Variants in ERCC4 observed in about 807,000 individuals in gnomAD.
The protein encoded by ERCC4 is DNA repair endonuclease XPF.
ERCC4 carries 65 observed loss-of-function variants against 76.9 expected under a neutral mutation model. The ratio of observed to expected loss-of-function variants is 0.84; its 90% CI spans 0.69 to 1.04. The LOEUF (loss-of-function observed/expected upper bound fraction) is 1.04, where lower values mean the gene tolerates loss of function less well. ERCC4 is among the 50% of genes least tolerant of loss of function. ERCC4 has a pLI of 0.00. For missense variants in ERCC4, 1,214 were observed against 1,128.2 expected, an observed-to-expected ratio of 1.08 and a Z score of -1.09; for synonymous variants, 463 against 410.1, an observed-to-expected ratio of 1.13 and a Z score of -1.56.
intron 9 of ERCC4, among the ~76,000 whole-genome samples, chr16:13,941,085 C>T (rs1239872464): frequency 6.6e-6 from 1 of 152,170 alleles, no homozygotes; most frequent in East Asian, 1.9e-4. Flanking sequence ...CTGATTTATG[C>T]ACCTGCTTCT....
At position 13,947,653 on chromosome 16, in the gene ERCC4, T is replaced by C. The variant is rs751928876; in HGVS notation, c.2057T>C (p.Val686Ala). Reference protein sequence around the residue: ...EQNGTQQSIVVDMREFRSELP... With the variant: ...EQNGTQQSIVADMREFRSELP... ...AATGGTACACAGCAAAGCATAGTTGTGGATATGCGTGAATTTCGAAGTGAG... is the reference window on the plus strand; with the variant it reads ...AATGGTACACAGCAAAGCATAGTTGCGGATATGCGTGAATTTCGAAGTGAG... The change falls in exon 11 of 11, where the codon GTG (valine) becomes GCG (alanine). Residue 686 changes from valine to alanine, a missense_variant. Physicochemically the swap from Val to Ala is moderately conservative, Grantham distance 64 (BLOSUM62 0). Coordinates refer to ENST00000311895, the MANE Select transcript of ERCC4 (RefSeq NM_005236.3). The C allele has an allele frequency of 1.9e-6, 3 of 1,614,198 alleles. No homozygotes were observed. The highest frequency in any genetic ancestry group is 2.5e-6 in the Non-Finnish European group (3 of 1,180,012).
intron 9 of ERCC4, among the ~76,000 whole-genome samples, chr16:13,940,993 C>T (rs2032402722): frequency 6.6e-6 from 1 of 152,198 alleles, no homozygotes; most frequent in African/African-American, 2.4e-5. Flanking sequence ...GCAGCTGCCT[C>T]TTCTCCAGTG....
intron 7 of ERCC4, 143 bp from the exon 8 acceptor site, chr16:13,935,003 C>A (rs945864321): frequency 1.4e-6 from 1 of 722,690 alleles, no homozygotes. Context: ...ATACCTAAGA[C>A]CCTTTTTAAA....
intron 9 of ERCC4, among the ~76,000 whole-genome samples, chr16:13,942,097 A>T (rs906530626): frequency 1.3e-5 from 2 of 152,240 alleles, no homozygotes; most frequent in African/African-American, 4.8e-5. Flanking sequence ...TAAAAATACC[A>T]TTGAAGATAC....
chr16:13,921,494 C>T (rs572907392), intron 1 of ERCC4, among the ~76,000 whole-genome samples: 127 of 152,154 alleles, frequency 8.3e-4, no homozygotes, highest in Non-Finnish European at 1.4e-3. Context: ...TCTAGGTATC[C>T]CCAGTGCTTG....
At chr16:13,923,490 A>G (rs2032017063) in intron 2 of ERCC4, among the ~76,000 whole-genome samples, 1 of 152,202 alleles carries the variant, frequency 6.6e-6, no homozygotes, top group South Asian at 2.1e-4. Flanking sequence ...TTTGATAAAT[A>G]AATGTGTCAA....
Position 13,950,304 on chromosome 16 carries a change from CATTGGCATCTTGATTT to C in ERCC4, c.*1963_*1978del, listed in dbSNP as rs1229798861. ...TGTCGTTTCTGAACTGAACCTCTCA[CATTGGCATCTTGATTT>C]ATTGGTACTTAACAGTATATATGGA... On this transcript the variant is annotated 3_prime_UTR_variant, in exon 11 of 11. Coordinates refer to ENST00000311895, the MANE Select transcript of ERCC4 (RefSeq NM_005236.3). 1.1e-5 allele frequency: 2 copies of C among 190,032 alleles called. No individual in the cohort carries two copies. Among genetic ancestry groups the C allele is most frequent in the African/African-American group, 4.7e-5 (2 of 42,924 alleles). 11.8% of individuals were successfully genotyped at this position (190,032 alleles called of 1,614,324 possible).
At chr16:13,926,015 A>G (rs3136087) in intron 2 of ERCC4, among the ~76,000 whole-genome samples, 297 of 152,306 alleles carry the variant, frequency 2.0e-3, no homozygotes, top group African/African-American at 6.7e-3. Context: ...TGAATTGACT[A>G]TCTTCTGATT....
intron 4 of ERCC4, among the ~76,000 whole-genome samples, 182 bp downstream of exon 4, chr16:13,928,417 A>T (rs1220930364): frequency 6.6e-6 from 1 of 152,206 alleles, no homozygotes; most frequent in Non-Finnish European, 1.5e-5. Context: ...AAGTATGTGG[A>T]TTGGCATATA....
chr16:13,920,348 G>A lies in ERCC4; in HGVS notation c.183G>A (p.Val61=), dbSNP rs1215558892. The A allele has an allele frequency of 6.3e-7, 1 of 1,592,482 alleles. No individual in the cohort carries two copies. The highest frequency in any genetic ancestry group is 8.5e-7 in the Non-Finnish European group (1 of 1,176,368). Residue 61 remains valine, a synonymous_variant, in exon 1 of 11, where the codon GTG becomes GTA. Transcript: ENST00000311895. ...LHCHPACLVL[V]LNTQPAEEEY... ...GCCACCCAGCCTGCCTGGTGCTGGT[G>A]CTCAACACGCAGCCGGCCGAGGAGG...
chr16:13,938,292 T>TA (rs2032345245), intron 9 of ERCC4, among the ~76,000 whole-genome samples: 1 of 152,192 alleles, frequency 6.6e-6, no homozygotes, highest in Non-Finnish European at 1.5e-5. Flanking sequence ...CACAGCCAAT[T>TA]ATGATCACCA....
At position 13,934,219 on chromosome 16, in the gene ERCC4, G is replaced by T; in HGVS notation, c.1130G>T (p.Ser377Ile). The T allele has an allele frequency of 6.2e-7, 1 of 1,612,854 alleles. No individual in the cohort carries two copies. Among genetic ancestry groups the T allele is most frequent in the Non-Finnish European group, 8.5e-7 (1 of 1,179,332 alleles). The change falls in exon 7 of 11, where the codon AGC becomes ATC. Residue 377 changes from serine (S) to isoleucine (I), a missense_variant. By Grantham distance (142) the Ser-to-Ile change is moderately radical. Transcript: ENST00000311895. The part of the protein sequence containing the change: ...EETKKELVLE[S>I]NPKWEALTEV... ...ACAAAAAAGGAACTGGTCCTAGAAA[G>T]CAACCCAAAGTGGGAGGCACTGACT...
At chr16:13,940,871 C>T (rs368087918) in intron 9 of ERCC4, among the ~76,000 whole-genome samples, 51 of 152,286 alleles carry the variant, frequency 3.3e-4, no homozygotes, top group South Asian at 1.2e-3. Context: ...TTGAGCAGCC[C>T]AGGCCTGCTG....
rs2032585395 is a variant in ERCC4 at position 13,949,275 on chromosome 16, C to T, written c.*928C>T. The T allele has an allele frequency of 4.3e-6, 1 of 233,530 alleles. No homozygotes were observed. The highest frequency in any genetic ancestry group is 8.5e-6 in the Non-Finnish European group (1 of 118,294). The allele number at this position is 233,530 out of a possible 1,614,324, so 14.5% of individuals were successfully genotyped here. On this transcript the variant is annotated 3_prime_UTR_variant, in exon 11 of 11. Coordinates refer to ENST00000311895, the MANE Select transcript of ERCC4 (RefSeq NM_005236.3). ...CTAGTTACAGAGTTTTTTCAGACTTCCTCGTTTCTCAGCTCTTATATCCTA... is the reference window on the plus strand; with the variant it reads ...CTAGTTACAGAGTTTTTTCAGACTTTCTCGTTTCTCAGCTCTTATATCCTA...
chr16:13,935,516 A>C lies in ERCC4; in HGVS notation c.1584A>C (p.Glu528Asp). 1 of 1,614,204 alleles carries C rather than the reference A, an allele frequency of 6.2e-7. No individual in the cohort carries two copies. Among genetic ancestry groups the C allele is most frequent in the Non-Finnish European group, 8.5e-7 (1 of 1,180,034 alleles). Residue 528 changes from glutamate to aspartate, a missense_variant, in exon 8 of 11, where the codon GAA (glutamate) becomes GAC (aspartate). Glu to Asp is a conservative substitution (Grantham distance 45, BLOSUM62 2). Transcript: ENST00000311895. ...ISSSPESCPE[E>D]IKHEEFDVNL... is the part of the protein sequence containing the mutation. Reference sequence around the variant, plus strand: ...GTAGCCCAGAAAGCTGCCCGGAAGAAATTAAGCATGAAGAATTTGATGTAA... The same window carrying C: ...GTAGCCCAGAAAGCTGCCCGGAAGACATTAAGCATGAAGAATTTGATGTAA...
At chr16:13,921,974 C>T in intron 1 of ERCC4, 57 bp from the exon 2 acceptor site, 1 of 1,045,382 alleles carries the variant, frequency 9.6e-7, no homozygotes, top group Non-Finnish European at 1.5e-6. Flanking sequence ...ATATCTGTGA[C>T]CTATTAAAAA....
rs757223070 is a variant in ERCC4 at position 13,947,976 on chromosome 16, C to T, written c.2380C>T (p.His794Tyr). 5 of 1,614,170 alleles carry T rather than the reference C, an allele frequency of 3.1e-6. No individual in the cohort carries two copies. In the Admixed American group the frequency reaches 5.0e-5, roughly 16 times the overall value. Residue 794 changes from histidine (H) to tyrosine (Y), a missense_variant, in exon 11 of 11, where the codon CAC becomes TAC. Physicochemically the swap from His to Tyr is moderately conservative, Grantham distance 83. Transcript: ENST00000311895. ...ISSKLTLLTL[H>Y]FPRLRILWCP... is the part of the protein sequence containing the mutation. The stretch of plus-strand genomic sequence containing the variant: ...TTCCAAACTCACTCTTCTTACACTT[C>T]ACTTCCCCAGACTACGGATTCTCTG...
chr16:13,938,668 G>C lies in ERCC4; in HGVS notation c.1904+810G>C, dbSNP rs559809135. ...CAGAGACCATGGCCTGGACGGAGTG[G>C]GCTGGGCCAGAGCAAACTTCCAAGC... On this transcript the variant is annotated intron_variant, in intron 9 of 10. Transcript: ENST00000311895. Among the ~76,000 whole-genome samples the C allele has an allele frequency of 2.0e-5, 3 of 152,296 alleles. No individual in the cohort carries two copies. The South Asian group carries it at 6.2e-4, about 32-fold the overall frequency.
Position 13,920,234 on chromosome 16 carries a change from G to C in ERCC4, c.69G>C (p.Val23=). 1 of 1,607,840 alleles carries C rather than the reference G, an allele frequency of 6.2e-7. No individual in the cohort carries two copies. The highest frequency in any genetic ancestry group is 8.5e-7 in the Non-Finnish European group (1 of 1,179,942). ...TGCTGGAGTACGAGCGACAGCTGGTGCTGGAACTGCTCGACACTGACGGGC... is the reference window on the plus strand; with the variant it reads ...TGCTGGAGTACGAGCGACAGCTGGTCCTGGAACTGCTCGACACTGACGGGC... ...APLLEYERQL[V]LELLDTDGLV... Residue 23 remains valine (V), a synonymous_variant, in exon 1 of 11, where the codon GTG becomes GTC. Transcript: ENST00000311895.
Sources: gnomAD v4.1 joint callset for allele counts (sites outside exome capture counted in the v4.1 genomes callset) on GRCh38, gnomAD v4.1.1 for gene constraint, MANE v1.5 for transcripts, NCBI Gene and HGNC (gene_info 2026-07-23, HGNC 2026-07-21) for gene names.